ZDHHC13: variants seen among roughly 807,000 people sequenced by gnomAD.
The protein encoded by ZDHHC13 is zDHHC palmitoyltransferase 13.
A neutral mutation model predicts 86.0 loss-of-function variants in ZDHHC13; 85 were observed. The ratio of observed to expected loss-of-function variants is 0.99; its 90% CI spans 0.83 to 1.18. The LOEUF (loss-of-function observed/expected upper bound fraction) is 1.18, where lower values mean the gene tolerates loss of function less well. Ranked by LOEUF, ZDHHC13 falls within the 50% of genes most tolerant of loss-of-function variation. The pLI, the probability that ZDHHC13 is intolerant of heterozygous loss-of-function variation, is 0.00. For synonymous variants in ZDHHC13, 263 were observed against 246.4 expected (o/e 1.07, Z -0.63); for missense variants, 711 against 730.2 (o/e 0.97, Z 0.30).
In ZDHHC13 at chr11:19,150,658, T is replaced by G. The variant is rs1849581918; in HGVS notation, c.520-69T>G. ...AGTATTGAATGTATTAAAGAGATATTTCTATTAAGAGAACAAATAGACTTT... is the reference window on the plus strand; with the variant it reads ...AGTATTGAATGTATTAAAGAGATATGTCTATTAAGAGAACAAATAGACTTT... On this transcript the variant is annotated intron_variant, in intron 5 of 16. Coordinates refer to ENST00000446113, the MANE Select transcript of ZDHHC13 (RefSeq NM_019028.3). 7 of 1,324,652 alleles carry G rather than the reference T, an allele frequency of 5.3e-6. No individual in the cohort carries two copies. In the Admixed American group the frequency reaches 1.2e-4, roughly 23 times the overall value. 82.1% of individuals were successfully genotyped at this position (1,324,652 alleles called of 1,614,324 possible).
chr11:19,134,470 A>G (rs1447882743), intron 1 of ZDHHC13, among the ~76,000 whole-genome samples: 1 of 152,232 alleles, frequency 6.6e-6, no homozygotes, highest in East Asian at 1.9e-4. Flanking sequence ...ATGCCCATCA[A>G]TGACAGACTG....
chr11:19,154,672 A>C (rs1043021349), intron 8 of ZDHHC13, among the ~76,000 whole-genome samples: 9 of 152,162 alleles, frequency 5.9e-5, no homozygotes, highest in African/African-American at 2.2e-4. Context: ...TCATGAGGAC[A>C]TATTTCAGTC....
At chr11:19,147,064 A>G (rs935176243) in intron 3 of ZDHHC13, among the ~76,000 whole-genome samples, 1 of 152,132 alleles carries the variant, frequency 6.6e-6, no homozygotes, top group Non-Finnish European at 1.5e-5. Flanking sequence ...TTATATGTCC[A>G]CCTTATACAG....
intron 1 of ZDHHC13, among the ~76,000 whole-genome samples, chr11:19,119,872 A>G (rs1273352176): frequency 6.6e-6 from 1 of 152,214 alleles, no homozygotes; most frequent in African/African-American, 2.4e-5. Context: ...TCTGTTAATG[A>G]GAACTTTAAT....
intron 8 of ZDHHC13, among the ~76,000 whole-genome samples, chr11:19,154,030 C>T (rs1849689685): frequency 6.6e-6 from 1 of 152,208 alleles, no homozygotes; most frequent in Non-Finnish European, 1.5e-5. Flanking sequence ...CTTATCAGCT[C>T]ACATTCCTAT....
intron 1 of ZDHHC13, among the ~76,000 whole-genome samples, chr11:19,127,299 G>T (rs1848899157): frequency 6.6e-6 from 1 of 151,920 alleles, no homozygotes; most frequent in South Asian, 2.1e-4. Flanking sequence ...ATTTTAATGG[G>T]GTTTGTTTTT....
rs757724795 is a variant in ZDHHC13, at chr11:19,152,492, A to T, written c.748-67A>T. ...TTGAGTCTATGATTCTGGTGTTTTT[A>T]AAAAAAGTTTAGCACTCATAATATA... On this transcript the variant is annotated intron_variant, in intron 7 of 16. Transcript: ENST00000446113. The T allele has an allele frequency of 2.1e-5, 31 of 1,482,806 alleles. No homozygotes were observed. In the East Asian group the frequency reaches 2.2e-4, roughly 11 times the overall value. 91.9% of individuals were successfully genotyped at this position (1,482,806 alleles called of 1,614,324 possible). A position where few individuals can be genotyped will look rare whatever the true frequency, so the allele number is the denominator to read the frequency against.
chr11:19,157,721 T>C lies in ZDHHC13; in HGVS notation c.1008-1219T>C, dbSNP rs77081844. 6.9e-3 allele frequency among the ~76,000 whole-genome samples: 1,045 copies of C among 152,316 alleles called. 9 individuals carry two copies. The highest frequency in any genetic ancestry group is 0.024 in the African/African-American group (986 of 41,574). ...GCTGGTAATATCTACTCCCCTAGGA[T>C]AGGAACATTTGAGATTATGTTTGGT... On this transcript the variant is annotated intron_variant, in intron 9 of 16. Transcript: ENST00000446113.
intron 1 of ZDHHC13, among the ~76,000 whole-genome samples, chr11:19,124,148 G>T (rs1318727266): frequency 6.6e-6 from 1 of 151,834 alleles, no homozygotes; most frequent in Admixed American, 6.6e-5. Flanking sequence ...AATTATACTA[G>T]ATCTATATAC....
Position 19,170,588 on chromosome 11 carries a change from T to C in ZDHHC13, c.1632+20T>C. 2 of 1,506,754 alleles carry C rather than the reference T, an allele frequency of 1.3e-6. No individual in the cohort carries two copies. Among genetic ancestry groups the C allele is most frequent in the South Asian group, 1.3e-5 (1 of 76,488 alleles). The allele number at this position is 1,506,754 out of a possible 1,614,324, so 93.3% of individuals were successfully genotyped here. On this transcript the variant is annotated intron_variant, in intron 15 of 16. Coordinates refer to ENST00000446113, the MANE Select transcript of ZDHHC13 (RefSeq NM_019028.3). ...TTTCAGGTATTTATTTCTCTTCTTA[T>C]AATGGCTTTGAGTAAAATTTCTAAA...
chr11:19,170,708 AC>A, intron 15 of ZDHHC13, 140 bp downstream of exon 15: 3 of 826,866 alleles, frequency 3.6e-6, no homozygotes, highest in Non-Finnish European at 5.4e-6. Context: ...ATGTCATTTA[AC>A]CACACTTGAA....
At chr11:19,122,577 T>G (rs1848779772) in intron 1 of ZDHHC13, among the ~76,000 whole-genome samples, 1 of 139,494 alleles carries the variant, frequency 7.2e-6, no homozygotes, top group Non-Finnish European at 1.5e-5. Flanking sequence ...ACTCTCTGTT[T>G]GTGGAAGCTT....
At chr11:19,126,347 T>C (rs1458861793) in intron 1 of ZDHHC13, among the ~76,000 whole-genome samples, 3 of 149,628 alleles carry the variant, frequency 2.0e-5, no homozygotes, top group Non-Finnish European at 4.5e-5. Flanking sequence ...TTTTTCTTTT[T>C]TTTTTTTGCA....
chr11:19,156,216 A>T (rs1849752981), intron 9 of ZDHHC13, among the ~76,000 whole-genome samples: 1 of 152,180 alleles, frequency 6.6e-6, no homozygotes, highest in Non-Finnish European at 1.5e-5. Context: ...AGATTTTTGT[A>T]ATCATTTCAT....
In ZDHHC13 at chr11:19,146,253, T is replaced by C; in HGVS notation, c.246T>C (p.Asn82=). 5 of 1,613,112 alleles carry C rather than the reference T, an allele frequency of 3.1e-6. No individual in the cohort carries two copies. The highest frequency in any genetic ancestry group is 4.2e-6 in the Non-Finnish European group (5 of 1,179,540). ...GYDVRQPDKE[N]VSLLHWAAIN... ...ATGTCAGGCAACCAGATAAAGAAAA[T>C]GTGTCGCTTCTTCATTGGGCTGCTA... The change falls in exon 3 of 17, where the codon AAT becomes AAC. Residue 82 remains asparagine (N), a synonymous_variant. Coordinates refer to ENST00000446113, the MANE Select transcript of ZDHHC13 (RefSeq NM_019028.3).
At chr11:19,159,114 A>C in intron 10 of ZDHHC13, 74 bp downstream of exon 10, 1 of 1,123,498 alleles carries the variant, frequency 8.9e-7, no homozygotes. Flanking sequence ...TTAGGAATTT[A>C]GGTATTGGAA....
rs755262854 is a variant in ZDHHC13, at chr11:19,170,396, T to C, written c.1475-15T>C. ...TTGCCTTTTTTTTTTTTTTTTTTTT[T>C]TGGTGAATTCACAGATTTGTCCAGT... On this transcript the variant is annotated splice_polypyrimidine_tract_variant and intron_variant, in intron 14 of 16. Transcript: ENST00000446113. The C allele has an allele frequency of 2.2e-5, 33 of 1,491,374 alleles. No homozygotes were observed. In the East Asian group the frequency reaches 4.4e-4, roughly 20 times the overall value. 92.4% of individuals were successfully genotyped at this position (1,491,374 alleles called of 1,614,324 possible). A position where few individuals can be genotyped will look rare whatever the true frequency, so the allele number is the denominator to read the frequency against.
At chr11:19,151,859 G>A (rs1040444143) in intron 6 of ZDHHC13, among the ~76,000 whole-genome samples, 1 of 151,998 alleles carries the variant, frequency 6.6e-6, no homozygotes, top group Non-Finnish European at 1.5e-5. Context: ...TATATTCAAA[G>A]AAAAGTGTTA....
At chr11:19,125,505 G>A (rs1565018284) in intron 1 of ZDHHC13, among the ~76,000 whole-genome samples, 1 of 152,224 alleles carries the variant, frequency 6.6e-6, no homozygotes. Context: ...ATAGTTGTTA[G>A]TGGCAATGCA....
Sources: allele counts gnomAD v4.1 joint callset (sites outside exome capture counted in the v4.1 genomes callset), GRCh38; gene constraint gnomAD v4.1.1; transcripts MANE v1.5; gene names NCBI Gene and HGNC (gene_info 2026-07-23, HGNC 2026-07-21).